CEP57: variants seen among roughly 807,000 people sequenced by gnomAD.
The protein encoded by CEP57 is centrosomal protein 57.
CEP57 carries 40 observed loss-of-function variants against 68.0 expected under a neutral mutation model. The ratio of observed to expected loss-of-function variants is 0.59; its 90% CI spans 0.46 to 0.77. CEP57 has a LOEUF of 0.77. Ranked by LOEUF, CEP57 falls within the 30% of genes least tolerant of loss-of-function variation. CEP57 has a pLI of 0.00. For missense variants in CEP57, 606 were observed against 580.7 expected (o/e 1.04, Z -0.45); for synonymous variants, 219 against 198.7 (o/e 1.10, Z -0.86).
chr11:95,790,466 G>A (rs904448975), upstream of CEP57: 7 of 596,162 alleles, frequency 1.2e-5, no homozygotes, highest in Non-Finnish European at 2.1e-5. Flanking sequence ...GTTTTGATTG[G>A]CTAGGAAAGA....
At chr11:95,818,805 C>T in intron 5 of CEP57, 22 bp from the exon 6 acceptor site, 1 of 1,597,892 alleles carries the variant, frequency 6.3e-7, no homozygotes, top group Non-Finnish European at 8.6e-7. Flanking sequence ...ACCTTTATCC[C>T]TTTTGACATT....
intron 8 of CEP57, 141 bp from the exon 9 acceptor site, chr11:95,827,645 A>G: frequency 1.1e-6 from 1 of 927,056 alleles, no homozygotes; most frequent in South Asian, 1.6e-5. Context: ...CAAATAGAAG[A>G]ACATCATGAT....
At chr11:95,817,331 A>G (rs375205955) in intron 4 of CEP57, among the ~76,000 whole-genome samples, 2 of 152,300 alleles carry the variant, frequency 1.3e-5, no homozygotes, top group East Asian at 1.9e-4. Context: ...CAGCCACTGC[A>G]CTCTGGCCTG....
At chr11:95,801,126 T>C (rs1453332648) in intron 2 of CEP57, among the ~76,000 whole-genome samples, 1 of 152,180 alleles carries the variant, frequency 6.6e-6, no homozygotes, top group Non-Finnish European at 1.5e-5. Flanking sequence ...GAACCTGTTT[T>C]GTAAACTGGA....
At chr11:95,813,611 T>C (rs373471965) in intron 4 of CEP57, 22 bp downstream of exon 4, 237 of 1,611,660 alleles carry the variant, frequency 1.5e-4, no homozygotes, top group African/African-American at 6.7e-4. Flanking sequence ...ACCTCACAGA[T>C]TGATACTCAA....
At chr11:95,805,096 C>G (rs763697122) in intron 2 of CEP57, among the ~76,000 whole-genome samples, 1 of 152,046 alleles carries the variant, frequency 6.6e-6, no homozygotes, top group Non-Finnish European at 1.5e-5. Flanking sequence ...AATATAAGTG[C>G]AGAAATAAAG....
chr11:95,807,793 C>T (rs1429432670), intron 2 of CEP57, among the ~76,000 whole-genome samples: 1 of 152,212 alleles, frequency 6.6e-6, no homozygotes, highest in Non-Finnish European at 1.5e-5. Context: ...GGAAAACACT[C>T]TTCAGGATAT....
In CEP57 at chr11:95,826,825, T is replaced by C. The variant is rs78290417; in HGVS notation, c.886-961T>C. ...GTGGTTACATCGATTGATTTTTGAA[T>C]AGTGGACCAGCCTTGCATTGATGTA... On this transcript the variant is annotated intron_variant, in intron 8 of 10. Coordinates refer to ENST00000325542, the MANE Select transcript of CEP57 (RefSeq NM_014679.5). 8 of 152,358 alleles carry C rather than the reference T, an allele frequency of 5.3e-5. No individual in the cohort carries two copies. The East Asian group carries it at 1.5e-3, about 29-fold the overall frequency. 9.4% of individuals were successfully genotyped at this position (152,358 alleles called of 1,614,324 possible). A position where few individuals can be genotyped will look rare whatever the true frequency, so the allele number is the denominator to read the frequency against.
chr11:95,812,033 T>C (rs990336168), intron 2 of CEP57, among the ~76,000 whole-genome samples: 1 of 152,182 alleles, frequency 6.6e-6, no homozygotes, highest in Non-Finnish European at 1.5e-5. Context: ...AATAGGATTA[T>C]TGGTTATTTT....
chr11:95,812,405 CA>C (rs1862105842), intron 2 of CEP57, among the ~76,000 whole-genome samples: 1 of 151,932 alleles, frequency 6.6e-6, no homozygotes, highest in African/African-American at 2.4e-5. Context: ...ACATTTCAAA[CA>C]CTCAATGTCT....
At position 95,819,009 on chromosome 11, in the gene CEP57, A is replaced by T. The variant is rs937529119; in HGVS notation, c.699+105A>T. On this transcript the variant is annotated intron_variant, in intron 6 of 10. Transcript: ENST00000325542. ...TCTTACATTATTTGTATTTTAGAAT[A>T]GTCCAACATACAAATTTTCAGATAT... 4 of 868,320 alleles carry T rather than the reference A, an allele frequency of 4.6e-6. No homozygotes were observed. The Admixed American group carries it at 8.6e-5, about 19-fold the overall frequency. 53.8% of individuals were successfully genotyped at this position (868,320 alleles called of 1,614,324 possible).
chr11:95,797,711 TGAG>T (rs1239413862), intron 1 of CEP57, among the ~76,000 whole-genome samples: 1 of 152,180 alleles, frequency 6.6e-6, no homozygotes, highest in East Asian at 1.9e-4. Context: ...GTATATGTCA[TGAG>T]GAGTGATATA....
intron 2 of CEP57, among the ~76,000 whole-genome samples, chr11:95,802,413 CCTGGCTAA>C (rs1420579096): frequency 3.4e-4 from 52 of 151,968 alleles, no homozygotes; most frequent in Non-Finnish European, 7.2e-4. Context: ...TGCCACCACA[CCTGGCTAA>C]TTTTTGTATT....
At chr11:95,816,592 C>T (rs781082735) in intron 4 of CEP57, among the ~76,000 whole-genome samples, 4 of 152,110 alleles carry the variant, frequency 2.6e-5, no homozygotes, top group Non-Finnish European at 4.4e-5. Flanking sequence ...TAGGATGTGG[C>T]TAGAAGGGAA....
rs577173144 is a variant in CEP57 at position 95,799,275 on chromosome 11, G to A, written c.89G>A (p.Arg30Gln). 7.4e-6 allele frequency: 12 copies of A among 1,614,024 alleles called. No homozygotes were observed. In the East Asian group the frequency reaches 8.9e-5, roughly 12 times the overall value. Residue 30 changes from arginine (R) to glutamine (Q), a missense_variant, in exon 2 of 11, where the codon CGG becomes CAG. By Grantham distance (43) the Arg-to-Gln change is conservative (BLOSUM62 1). Coordinates refer to ENST00000325542, the MANE Select transcript of CEP57 (RefSeq NM_014679.5). ...EPSRSNGSMV[R>Q]HSSSPYVVYP... is the part of the protein sequence containing the mutation. ...TCAAGGTCTAATGGAAGCATGGTTC[G>A]GCATTCTTCATCTCCATATGTAGTA...
intron 2 of CEP57, among the ~76,000 whole-genome samples, chr11:95,811,060 T>C (rs977512382): frequency 5.9e-5 from 9 of 152,294 alleles, no homozygotes; most frequent in African/African-American, 2.2e-4. Flanking sequence ...AGAAATACCA[T>C]TTGACCCAGC....
chr11:95,803,530 A>G lies in CEP57; in HGVS notation c.202+4142A>G, dbSNP rs547546243. Among the ~76,000 whole-genome samples the G allele has an allele frequency of 1.4e-3, 214 of 152,110 alleles. 1 individual carries two copies. The highest frequency in any genetic ancestry group is 4.9e-3 in the African/African-American group (205 of 41,512). ...CTACCAAGACAGCAATATTAGAGAA[A>G]TCAAAGATGCATATTACAGGTTTGG... On this transcript the variant is annotated intron_variant, in intron 2 of 10. Transcript: ENST00000325542.
At chr11:95,817,452 T>G (rs748150486) in intron 4 of CEP57, among the ~76,000 whole-genome samples, 2 of 152,216 alleles carry the variant, frequency 1.3e-5, no homozygotes, top group African/African-American at 2.4e-5. Context: ...ATTTTTACCC[T>G]AATTAAGAGA....
intron 9 of CEP57, among the ~76,000 whole-genome samples, chr11:95,828,856 CAG>C (rs1275127035): frequency 3.3e-5 from 5 of 151,890 alleles, no homozygotes; most frequent in African/African-American, 4.8e-5. Flanking sequence ...TCCTGGCTAA[CAG>C]GGTGAAAACC....
Sources: gnomAD v4.1 joint callset for allele counts (sites outside exome capture counted in the v4.1 genomes callset) on GRCh38, gnomAD v4.1.1 for gene constraint, MANE v1.5 for transcripts, NCBI Gene and HGNC (gene_info 2026-07-23, HGNC 2026-07-21) for gene names.